Variants in ARHGEF37 observed in about 807,000 individuals in gnomAD.
ARHGEF37 encodes Rho guanine nucleotide exchange factor 37.
ARHGEF37 carries 55 observed loss-of-function variants against 71.1 expected under a neutral mutation model. The ratio of observed to expected loss-of-function variants is 0.77; its 90% CI spans 0.62 to 0.97. The LOEUF (loss-of-function observed/expected upper bound fraction) is 0.97, where lower values mean the gene tolerates loss of function less well. ARHGEF37 is among the 50% of genes least tolerant of loss of function. The probability of loss-of-function intolerance (pLI) is 0.00; values close to 1 mark genes in which losing one functional copy is unlikely to be tolerated. For synonymous variants in ARHGEF37, 327 were observed against 350.6 expected (o/e 0.93, Z 0.75); for missense variants, 765 against 836.8 (o/e 0.91, Z 1.06).
chr5:149,610,408 A>G (rs925151007), intron 4 of ARHGEF37, among the ~76,000 whole-genome samples: 5 of 152,222 alleles, frequency 3.3e-5, no homozygotes, highest in African/African-American at 1.2e-4. Flanking sequence ...AAATGTAGAG[A>G]ATATGTATTC....
intron 3 of ARHGEF37, among the ~76,000 whole-genome samples, chr5:149,607,051 C>A (rs1261335579): frequency 6.6e-6 from 1 of 152,156 alleles, no homozygotes; most frequent in Non-Finnish European, 1.5e-5. Context: ...GAGGCACCTG[C>A]CACCACTCCT....
chr5:149,629,044 A>G, intron 12 of ARHGEF37, 78 bp downstream of exon 12: 3 of 1,489,542 alleles, frequency 2.0e-6, no homozygotes, highest in Non-Finnish European at 2.7e-6. Flanking sequence ...TCTCTCTCAA[A>G]GTCTATGCCC....
chr5:149,632,133 C>G lies in ARHGEF37; in HGVS notation c.1970C>G (p.Ser657Cys). ...EVNGQRGYVP[S>C]GFLARARSPV... ...AATGGACAGAGGGGTTATGTGCCTT[C>G]TGGCTTCTTGGCCAGGGCTCGGAGC... Residue 657 changes from serine to cysteine, a missense_variant, in exon 13 of 13, where the codon TCT becomes TGT. Coordinates refer to ENST00000333677, the MANE Select transcript of ARHGEF37 (RefSeq NM_001001669.3). 6.2e-7 allele frequency: 1 copy of G among 1,614,258 alleles called. No homozygotes were observed.
Position 149,564,254 on chromosome 5 carries a change from T to C in ARHGEF37, c.-12+12131T>C, listed in dbSNP as rs1357903631. 2.0e-5 allele frequency among the ~76,000 whole-genome samples: 3 copies of C among 152,124 alleles called. No homozygotes were observed. The East Asian group carries it at 5.8e-4, about 29-fold the overall frequency. On this transcript the variant is annotated intron_variant, in intron 1 of 2. Transcript: ENST00000505810. ...TATTTATACAGTGCTTTATACAATA[T>C]TAGTCTTACGTATGTTATCTTATAT...
rs532245260 is a variant in ARHGEF37 at position 149,620,338 on chromosome 5, T to G, written c.895-16T>G. On this transcript the variant is annotated splice_polypyrimidine_tract_variant and intron_variant, in intron 7 of 12. Transcript: ENST00000333677. ...GACAGGCATGATTGGATGTTTCTCCTTGGTACTGGGTCCAGGCTTTCCTCT... is the reference window on the plus strand; with the variant it reads ...GACAGGCATGATTGGATGTTTCTCCGTGGTACTGGGTCCAGGCTTTCCTCT... 24 of 1,575,216 alleles carry G rather than the reference T, an allele frequency of 1.5e-5. 1 individual carries two copies. The South Asian group carries it at 2.8e-4, about 18-fold the overall frequency.
intron 1 of ARHGEF37, among the ~76,000 whole-genome samples, chr5:149,573,632 T>C (rs1762995733): frequency 6.6e-6 from 1 of 152,174 alleles, no homozygotes; most frequent in African/African-American, 2.4e-5. Context: ...CTTTACCTCC[T>C]TCACTAGAAC....
At chr5:149,597,617 T>G in intron 1 of ARHGEF37, 142 bp from the exon 2 acceptor site, 1 of 680,696 alleles carries the variant, frequency 1.5e-6, no homozygotes, top group East Asian at 3.2e-5. Context: ...TGCCTACAAA[T>G]GCTAATAAAC....
intron 1 of ARHGEF37, among the ~76,000 whole-genome samples, chr5:149,585,453 G>C (rs539376804): frequency 2.5e-4 from 38 of 152,122 alleles, no homozygotes; most frequent in Non-Finnish European, 5.1e-4. Flanking sequence ...CATACGAATG[G>C]ATCTCAAAAT....
At chr5:149,610,439 G>T (rs1183432364) in intron 4 of ARHGEF37, among the ~76,000 whole-genome samples, 4 of 152,136 alleles carry the variant, frequency 2.6e-5, no homozygotes, top group African/African-American at 9.7e-5. Context: ...TTTCGAATGG[G>T]TAACGTGATT....
At chr5:149,623,091 G>T (rs970705040) in intron 9 of ARHGEF37, among the ~76,000 whole-genome samples, 1 of 152,146 alleles carries the variant, frequency 6.6e-6, no homozygotes, top group Non-Finnish European at 1.5e-5. Flanking sequence ...AGCTTAGAAT[G>T]CCCCTCTCCA....
chr5:149,564,925 T>G (rs929532992), intron 1 of ARHGEF37, among the ~76,000 whole-genome samples: 1 of 152,268 alleles, frequency 6.6e-6, no homozygotes, highest in East Asian at 1.9e-4. Context: ...TTAATGATTA[T>G]ACAATGCTGC....
intron 1 of ARHGEF37, among the ~76,000 whole-genome samples, chr5:149,596,025 T>G (rs1369913659): frequency 6.6e-6 from 1 of 151,684 alleles, no homozygotes; most frequent in East Asian, 1.9e-4. Context: ...AAGGAGCTTG[T>G]CTCCTATTCC....
At chr5:149,622,684 A>G (rs1332411656) in intron 9 of ARHGEF37, among the ~76,000 whole-genome samples, 1 of 152,188 alleles carries the variant, frequency 6.6e-6, no homozygotes, top group Non-Finnish European at 1.5e-5. Flanking sequence ...CTGAACCACA[A>G]CACTCAAGAG....
At chr5:149,626,446 A>G (rs556685798) in intron 10 of ARHGEF37, among the ~76,000 whole-genome samples, 1 of 152,318 alleles carries the variant, frequency 6.6e-6, no homozygotes, top group Non-Finnish European at 1.5e-5. Flanking sequence ...AGATTTTTGG[A>G]TAAGCTGAAA....
intron 1 of ARHGEF37, among the ~76,000 whole-genome samples, chr5:149,552,302 A>T (rs1434776175): frequency 6.6e-6 from 1 of 151,786 alleles, no homozygotes; most frequent in Non-Finnish European, 1.5e-5. Flanking sequence ...AGTAGAGGTA[A>T]CTATTACAAA....
chr5:149,627,305 CG>C (rs746274068), intron 11 of ARHGEF37, 34 bp downstream of exon 11: 3 of 1,595,034 alleles, frequency 1.9e-6, no homozygotes, highest in Non-Finnish European at 1.7e-6. Context: ...TCTTCTCCTT[CG>C]GGGAAAACCA....
intron 10 of ARHGEF37, among the ~76,000 whole-genome samples, chr5:149,626,302 ATAGAG>A (rs1295122371): frequency 1.3e-5 from 2 of 152,056 alleles, no homozygotes; most frequent in African/African-American, 4.8e-5. Flanking sequence ...CTCTCAAGAC[ATAGAG>A]TAAATATATA....
chr5:149,631,867 T>C, intron 12 of ARHGEF37, 115 bp from the exon 13 acceptor site: 1 of 1,013,014 alleles, frequency 9.9e-7, no homozygotes, highest in South Asian at 1.6e-5. Flanking sequence ...GTGACGAGCA[T>C]CCAGCAATGG....
At position 149,631,993 on chromosome 5, in the gene ARHGEF37, G is replaced by A. The variant is rs201695271; in HGVS notation, c.1830G>A (p.Ala610=). The change falls in exon 13 of 13, where the codon GCG becomes GCA. Residue 610 remains alanine, a synonymous_variant. Coordinates refer to ENST00000333677, the MANE Select transcript of ARHGEF37 (RefSeq NM_001001669.3). ...SIPTMNQVIA[A]YPFVARSSHE... is the part of the protein sequence containing the mutation. The stretch of plus-strand genomic sequence containing the variant: ...CCCATGTGTTTCAGGTCATAGCCGC[G>A]TACCCTTTTGTGGCCAGAAGCAGCC... The A allele has an allele frequency of 5.7e-4, 922 of 1,614,062 alleles. No individual in the cohort carries two copies. Among genetic ancestry groups the A allele is most frequent in the Non-Finnish European group, 4.9e-4 (581 of 1,180,032 alleles).
Sources: gnomAD v4.1 joint callset for allele counts (sites outside exome capture counted in the v4.1 genomes callset) on GRCh38, gnomAD v4.1.1 for gene constraint, MANE v1.5 for transcripts, NCBI Gene and HGNC (gene_info 2026-07-23, HGNC 2026-07-21) for gene names.